MATN2: variants seen among roughly 807,000 people sequenced by gnomAD.
The protein encoded by MATN2 is matrilin-2.
Under a neutral mutation model 103.2 loss-of-function variants are expected in MATN2, and 69 were observed. The observed-to-expected ratio is 0.67, with a 90% CI of 0.55 to 0.82. The LOEUF is 0.82. Ranked by LOEUF, MATN2 falls within the 40% of genes least tolerant of loss-of-function variation. MATN2 has a pLI of 0.00. For missense variants in MATN2, 1,023 were observed against 1,211.5 expected (o/e 0.84, Z 2.31); for synonymous variants, 429 against 450.2 (o/e 0.95, Z 0.60).
intron 3 of MATN2, among the ~76,000 whole-genome samples, chr8:97,940,760 A>G (rs1472676705): frequency 6.6e-6 from 1 of 152,254 alleles, no homozygotes; most frequent in Non-Finnish European, 1.5e-5. Context: ...ATCAAGTTAC[A>G]TTGAGTAAAG....
At chr8:97,981,503 G>T (rs1288612596) in intron 6 of MATN2, among the ~76,000 whole-genome samples, 1 of 152,202 alleles carries the variant, frequency 6.6e-6, no homozygotes, top group Non-Finnish European at 1.5e-5. Flanking sequence ...TCCACTGCAA[G>T]CTGGTGAGGG....
intron 14 of MATN2, 95 bp downstream of exon 14, chr8:98,027,924 T>G (rs1813872134): frequency 7.4e-7 from 1 of 1,343,566 alleles, no homozygotes; most frequent in Admixed American, 2.7e-5. Context: ...TAAGCTTCTT[T>G]GAGTGTACAG....
rs1016249128 is a variant in MATN2, at chr8:97,927,200, A to G, written c.143-3753A>G. Among the ~76,000 whole-genome samples, 190 of 152,172 alleles carry G rather than the reference A, an allele frequency of 1.2e-3. 1 individual carries two copies. Among genetic ancestry groups the G allele is most frequent in the African/African-American group, 4.2e-3 (176 of 41,508 alleles). On this transcript the variant is annotated intron_variant, in intron 2 of 18. Transcript: ENST00000254898. ...CTCTTGTTGCCCAGGCTGCAGTGCA[A>G]TGGCATGATCTTGGCTCACAGCAAC...
chr8:97,996,383 C>T (rs187559475), intron 7 of MATN2, among the ~76,000 whole-genome samples: 120 of 152,048 alleles, frequency 7.9e-4, no homozygotes, highest in Admixed American at 3.3e-3. Flanking sequence ...AGGGAGTGAC[C>T]GTTTTGGAGT....
At chr8:97,951,101 G>A (rs1031403536) in intron 4 of MATN2, 2 of 152,262 alleles carry the variant, frequency 1.3e-5, no homozygotes, top group African/African-American at 4.8e-5. Flanking sequence ...AGCCACCTGA[G>A]CTGTGGCTGA....
intron 11 of MATN2, 51 bp from the exon 12 acceptor site, chr8:98,017,943 A>C (rs1586161191): frequency 1.2e-6 from 2 of 1,603,080 alleles, no homozygotes; most frequent in Non-Finnish European, 1.7e-6. Context: ...GGTGAAGTCC[A>C]TGTGAAATGT....
intron 3 of MATN2, among the ~76,000 whole-genome samples, chr8:97,940,724 A>G (rs747564515): frequency 3.9e-5 from 6 of 152,222 alleles, no homozygotes; most frequent in African/African-American, 7.2e-5. Context: ...TTATGTTTGT[A>G]CTGTTGCTTG....
At chr8:97,895,021 C>T (rs540609679) in intron 2 of MATN2, among the ~76,000 whole-genome samples, 3 of 152,182 alleles carry the variant, frequency 2.0e-5, no homozygotes, top group Non-Finnish European at 4.4e-5. Flanking sequence ...TGCAGGCGCC[C>T]GCCACCATGC....
intron 7 of MATN2, among the ~76,000 whole-genome samples, chr8:97,999,768 T>G (rs1812716536): frequency 6.6e-6 from 1 of 152,000 alleles, no homozygotes; most frequent in Non-Finnish European, 1.5e-5. Context: ...TGTGACCTTC[T>G]CTCCATGCAC....
intron 1 of MATN2, among the ~76,000 whole-genome samples, chr8:97,871,805 G>T (rs1003367431): frequency 1.3e-5 from 2 of 152,228 alleles, no homozygotes; most frequent in African/African-American, 2.4e-5. Context: ...AGATGGAATG[G>T]CAGGGCTGGG....
chr8:97,898,655 T>C (rs570551094), intron 2 of MATN2, among the ~76,000 whole-genome samples: 2 of 151,760 alleles, frequency 1.3e-5, no homozygotes, highest in African/African-American at 4.8e-5. Context: ...GGCACTGTGG[T>C]AGGCAGCTCA....
chr8:98,015,367 CTCTT>C (rs1324904974), intron 10 of MATN2, among the ~76,000 whole-genome samples: 5 of 152,162 alleles, frequency 3.3e-5, no homozygotes, highest in Admixed American at 3.3e-4. Flanking sequence ...GACTGCCCTT[CTCTT>C]TCAGATCTGA....
chr8:97,973,039 T>C (rs916683315), intron 5 of MATN2, among the ~76,000 whole-genome samples: 1 of 152,192 alleles, frequency 6.6e-6, no homozygotes, highest in Non-Finnish European at 1.5e-5. Flanking sequence ...CCCAAACCAC[T>C]TGGCAAATAA....
At chr8:97,912,536 GA>G (rs1809483195) in intron 2 of MATN2, among the ~76,000 whole-genome samples, 1 of 152,198 alleles carries the variant, frequency 6.6e-6, no homozygotes, top group Non-Finnish European at 1.5e-5. Context: ...AAGAATGGAG[GA>G]AATGAAGCAT....
chr8:97,980,575 TTTTTTTTG>T (rs1811985693), intron 6 of MATN2, among the ~76,000 whole-genome samples: 1 of 146,104 alleles, frequency 6.8e-6, no homozygotes. Context: ...TTTTTTTTTT[TTTTTTTTG>T]ACACTGGGTC....
intron 2 of MATN2, among the ~76,000 whole-genome samples, chr8:97,891,888 G>C (rs760821347): frequency 1.3e-5 from 2 of 151,934 alleles, no homozygotes; most frequent in Non-Finnish European, 2.9e-5. Context: ...GATCACTTGA[G>C]CCCAGGAGTT....
intron 6 of MATN2, among the ~76,000 whole-genome samples, chr8:97,985,454 T>C (rs1403500802): frequency 6.6e-6 from 1 of 152,176 alleles, no homozygotes. Flanking sequence ...CACCTGAAGC[T>C]ATATATATTT....
chr8:98,035,367 GAAA>G (rs200092126), intron 18 of MATN2, among the ~76,000 whole-genome samples: 2 of 144,198 alleles, frequency 1.4e-5, no homozygotes, highest in African/African-American at 5.1e-5. Flanking sequence ...CAAAAAAAGA[GAAA>G]AAAAACAAAA....
At position 98,003,795 on chromosome 8, in the gene MATN2, C is replaced by T; in HGVS notation, c.1327+12C>T. 6.2e-7 allele frequency: 1 copy of T among 1,613,382 alleles called. No homozygotes were observed. The highest frequency in any genetic ancestry group is 1.7e-5 in the Admixed American group (1 of 60,010). ...CAAAACCTGCAGCCGTGAGTGTACC[C>T]TAGGGGTGGGGTGCTGATGGAAGGT... On this transcript the variant is annotated intron_variant, in intron 8 of 18. Transcript: ENST00000254898.
Sources: allele counts gnomAD v4.1 joint callset (sites outside exome capture counted in the v4.1 genomes callset), GRCh38; gene constraint gnomAD v4.1.1; transcripts MANE v1.5; gene names NCBI Gene and HGNC (gene_info 2026-07-23, HGNC 2026-07-21).